The following RRM2 variants were observed in gnomAD, a reference collection of about 807,000 sequenced individuals.
RRM2 encodes the protein ribonucleotide reductase regulatory subunit M2.
A neutral mutation model predicts 45.9 loss-of-function variants in RRM2; 6 were observed. That is an observed-to-expected ratio of 0.13 (90% confidence interval 0.07 to 0.26). RRM2 has a LOEUF of 0.26. Among genes scored for constraint, RRM2 ranks in the 10% least tolerant of loss-of-function variants. The pLI is 1.00. For missense variants in RRM2, 343 were observed against 489.5 expected (o/e 0.70, Z 2.82); for synonymous variants, 177 against 173.0 (o/e 1.02, Z -0.18).
chr2:10,153,806 T>C (rs1375512814), intron 3 of RRM2, among the ~76,000 whole-genome samples: 1 of 152,128 alleles, frequency 6.6e-6, no homozygotes, highest in African/African-American at 2.4e-5. Flanking sequence ...CAGACCAGTA[T>C]AGTGGCTTAA....
At chr2:10,202,897 C>T (rs1248932813) in intron 3 of RRM2, among the ~76,000 whole-genome samples, 4 of 151,822 alleles carry the variant, frequency 2.6e-5, no homozygotes, top group South Asian at 2.1e-4. Flanking sequence ...TGTTCCCAGC[C>T]GTTGGCCCGT....
intron 3 of RRM2, among the ~76,000 whole-genome samples, chr2:10,181,269 T>G (rs1201392792): frequency 6.6e-6 from 1 of 152,206 alleles, no homozygotes; most frequent in Non-Finnish European, 1.5e-5. Context: ...CCCAAAGACA[T>G]GCAGCTAGCA....
Position 10,198,178 on chromosome 2 carries a change from T to G in RRM2, n.483-12133T>G, listed in dbSNP as rs377654698. ...ACAGGCTTCAGGGGAGCCCCACCCA[T>G]GGGGTGCATCTTCAGCAGGACAATC... On this transcript the variant is annotated intron_variant and non_coding_transcript_variant, in intron 3 of 3. Transcript: ENST00000381786. 6.6e-5 allele frequency among the ~76,000 whole-genome samples: 10 copies of G among 152,250 alleles called. No homozygotes were observed. In the South Asian group the frequency reaches 1.5e-3, roughly 22 times the overall value.
intron 5 of RRM2, chr2:10,126,619 G>A: frequency 2.0e-6 from 1 of 495,202 alleles, no homozygotes; most frequent in East Asian, 3.3e-5. Context: ...ACTGTCTGTA[G>A]ACCCTGAAGC....
chr2:10,134,634 A>G (rs1049084190), downstream of RRM2, among the ~76,000 whole-genome samples: 6 of 152,216 alleles, frequency 3.9e-5, no homozygotes, highest in African/African-American at 1.4e-4. Context: ...CAACAGATAA[A>G]AGGAAAAAAC....
chr2:10,165,483 G>A (rs1663658380), intron 3 of RRM2, among the ~76,000 whole-genome samples: 1 of 152,252 alleles, frequency 6.6e-6, no homozygotes. Context: ...ACAGGGGTGA[G>A]GACCACGGCG....
At chr2:10,165,541 C>T (rs942500769) in intron 3 of RRM2, among the ~76,000 whole-genome samples, 9 of 152,212 alleles carry the variant, frequency 5.9e-5, no homozygotes, top group East Asian at 3.8e-4. Context: ...CTAAGGCTTC[C>T]GCCGCTCAGC....
rs767662786 is a variant in RRM2 at position 10,123,407 on chromosome 2, C to T, written c.195C>T (p.Pro65=). Residue 65 remains proline (P), a synonymous_variant, in exon 3 of 10, where the codon CCC becomes CCT. Transcript: ENST00000304567. The part of the protein sequence containing the change: ...PTEPKTKAAA[P]GVEDEPLLRE... ...AACAGAAAACTAAAGCAGCTGCCCCCGGCGTGGAGGATGAGCCGCTGCTGA... is the reference window on the plus strand; with the variant it reads ...AACAGAAAACTAAAGCAGCTGCCCCTGGCGTGGAGGATGAGCCGCTGCTGA... 1.2e-6 allele frequency: 2 copies of T among 1,607,610 alleles called. No individual in the cohort carries two copies. The highest frequency in any genetic ancestry group is 3.5e-5 in the Admixed American group (2 of 57,036).
intron 3 of RRM2, among the ~76,000 whole-genome samples, chr2:10,175,778 T>G (rs758545730): frequency 1.8e-4 from 27 of 150,744 alleles, no homozygotes; most frequent in Non-Finnish European, 3.1e-4. Flanking sequence ...TTTTTTTTGA[T>G]ATTTTTTAAT....
chr2:10,148,775 A>G (rs1381829275), intron 3 of RRM2, among the ~76,000 whole-genome samples: 1 of 152,200 alleles, frequency 6.6e-6, no homozygotes, highest in East Asian at 1.9e-4. Context: ...TTACTTCAAG[A>G]AAATTTTCTT....
intron 3 of RRM2, chr2:10,198,802 C>T (rs1053407316): frequency 5.9e-5 from 9 of 152,080 alleles, no homozygotes; most frequent in Non-Finnish European, 5.9e-5. Context: ...GAGAGCTTAT[C>T]GCAGGTTGGG....
intron 3 of RRM2, 69 bp downstream of exon 3, chr2:10,123,599 G>C: frequency 6.4e-7 from 1 of 1,558,876 alleles, no homozygotes; most frequent in South Asian, 1.2e-5. Flanking sequence ...TGCACTTGGA[G>C]GTTCCCGTTG....
Position 10,123,416 on chromosome 2 carries a change from G to A in RRM2, c.204G>A (p.Glu68=). The part of the protein sequence containing the change: ...PKTKAAAPGV[E]DEPLLRENPR... ...CTAAAGCAGCTGCCCCCGGCGTGGA[G>A]GATGAGCCGCTGCTGAGAGAAAACC... Residue 68 remains glutamate (E), a synonymous_variant, in exon 3 of 10, where the codon GAG becomes GAA. Transcript: ENST00000304567. The A allele has an allele frequency of 6.2e-7, 1 of 1,613,892 alleles. No individual in the cohort carries two copies.
At chr2:10,186,451 G>C (rs554745555) in intron 3 of RRM2, among the ~76,000 whole-genome samples, 1 of 151,588 alleles carries the variant, frequency 6.6e-6, no homozygotes, top group Non-Finnish European at 1.5e-5. Context: ...CACCGTGCCC[G>C]GCCAGCAGTG....
chr2:10,207,562 CTT>C (rs1325305821), intron 3 of RRM2, among the ~76,000 whole-genome samples: 3 of 152,200 alleles, frequency 2.0e-5, no homozygotes, highest in African/African-American at 4.8e-5. Context: ...TCTCTGGACT[CTT>C]TTGGCCCCTC....
At position 10,204,938 on chromosome 2, in the gene RRM2, G is replaced by A. The variant is rs955470134; in HGVS notation, n.483-5373G>A. Among the ~76,000 whole-genome samples the A allele has an allele frequency of 6.6e-6, 1 of 152,230 alleles. No homozygotes were observed. Among genetic ancestry groups the A allele is most frequent in the South Asian group, 2.1e-4 (1 of 4,836 alleles). ...CTATGGGGTCCTACAGGAAGCATAGGCATGGTCCCTGGTGGTCCCCAGGAG... is the reference window on the plus strand; with the variant it reads ...CTATGGGGTCCTACAGGAAGCATAGACATGGTCCCTGGTGGTCCCCAGGAG... On this transcript the variant is annotated intron_variant and non_coding_transcript_variant, in intron 3 of 3. Transcript: ENST00000381786. This position sits in a 1 kb window ranked among gnomAD's most constrained non-coding sequence, Gnocchi z 4.0.
chr2:10,168,502 T>C (rs1003552867), intron 3 of RRM2, among the ~76,000 whole-genome samples: 3 of 152,156 alleles, frequency 2.0e-5, no homozygotes, highest in African/African-American at 7.2e-5. Context: ...AAGTTTCTGC[T>C]TTTAGTCAGA....
chr2:10,150,452 A>G (rs1395083720), intron 3 of RRM2, among the ~76,000 whole-genome samples: 5 of 151,942 alleles, frequency 3.3e-5, no homozygotes, highest in Admixed American at 1.3e-4. Context: ...CCTCAAAAAA[A>G]AAAAAAAAAA....
chr2:10,209,985 C>T (rs1664729495), intron 3 of RRM2, among the ~76,000 whole-genome samples: 1 of 152,210 alleles, frequency 6.6e-6, no homozygotes, highest in Non-Finnish European at 1.5e-5. Flanking sequence ...CTGTCCCCAT[C>T]CCTGCTCCTG....
Sources: allele counts gnomAD v4.1 joint callset (sites outside exome capture counted in the v4.1 genomes callset), GRCh38; gene constraint gnomAD v4.1.1; non-coding constraint Gnocchi (gnomAD v3.1); transcripts MANE v1.5; gene names NCBI Gene and HGNC (gene_info 2026-07-23, HGNC 2026-07-21).